Variants in PTCH1 observed in about 807,000 individuals in gnomAD.
PTCH1 encodes the protein patched 1, also known as protein patched homolog 1.
Under a neutral mutation model 144.6 loss-of-function variants are expected in PTCH1, and 14 were observed. That is an observed-to-expected ratio of 0.10 (90% confidence interval 0.06 to 0.15). PTCH1 has a LOEUF of 0.15. Ranked by LOEUF, PTCH1 falls within the 10% of genes least tolerant of loss-of-function variation. PTCH1 has a pLI of 1.00. For synonymous variants in PTCH1, 833 were observed against 793.6 expected, an observed-to-expected ratio of 1.05 and a Z score of -0.83; for missense variants, 1,623 against 1,948.3, an observed-to-expected ratio of 0.83 and a Z score of 3.14.
intron 12 of PTCH1, among the ~76,000 whole-genome samples, chr9:95,470,228 C>G (rs777473469): frequency 1.3e-5 from 2 of 152,164 alleles, no homozygotes; most frequent in African/African-American, 2.4e-5. Context: ...ACCAAATCCA[C>G]AAAGGCAGAA....
chr9:95,479,517 G>A (rs1053773763), intron 7 of PTCH1, among the ~76,000 whole-genome samples: 10 of 152,182 alleles, frequency 6.6e-5, no homozygotes, highest in Non-Finnish European at 1.5e-4. Context: ...TCCCAAGGGA[G>A]AAATCTTACA....
At chr9:95,453,904 C>T (rs919930931) in intron 19 of PTCH1, among the ~76,000 whole-genome samples, 13 of 152,126 alleles carry the variant, frequency 8.5e-5, no homozygotes, top group African/African-American at 3.1e-4. Flanking sequence ...TGATACTCAC[C>T]CCGAAGTTTC....
At chr9:95,516,416 C>T (rs1587710680) in intron 1 of PTCH1, 2 of 1,327,458 alleles carry the variant, frequency 1.5e-6, no homozygotes, top group South Asian at 2.1e-5. Flanking sequence ...GCCCGAGGAG[C>T]ACGGCGCGCG....
intron 2 of PTCH1, among the ~76,000 whole-genome samples, chr9:95,501,075 G>C (rs887665792): frequency 6.6e-6 from 1 of 152,202 alleles, no homozygotes; most frequent in African/African-American, 2.4e-5. Context: ...TTGCATCTCT[G>C]CAATGCATTG....
chr9:95,450,589 G>A (rs865780250), intron 20 of PTCH1: 1 of 154,422 alleles, frequency 6.5e-6, no homozygotes, highest in Admixed American at 6.4e-5. Context: ...TAGAACACAG[G>A]AACCAGCTTT....
chr9:95,456,158 C>T, intron 19 of PTCH1, 118 bp downstream of exon 19: 1 of 1,492,338 alleles, frequency 6.7e-7, no homozygotes, highest in South Asian at 1.2e-5. Context: ...CCCCTGTGCC[C>T]TGAGGCCTTT....
chr9:95,453,870 A>T (rs1452008474), intron 19 of PTCH1, among the ~76,000 whole-genome samples: 1 of 152,200 alleles, frequency 6.6e-6, no homozygotes, highest in Non-Finnish European at 1.5e-5. Flanking sequence ...ATAAAAATGG[A>T]CAGAAATGTC....
At chr9:95,452,389 C>CAA (rs1289832248) in intron 20 of PTCH1, 1 of 151,200 alleles carries the variant, frequency 6.6e-6, no homozygotes, top group South Asian at 2.1e-4. Flanking sequence ...CCAAACAAAC[C>CAA]AATCATTTCT....
chr9:95,511,979 CTA>C (rs1199402230), upstream of PTCH1, among the ~76,000 whole-genome samples: 5 of 152,192 alleles, frequency 3.3e-5, no homozygotes, highest in Admixed American at 3.3e-4. Context: ...TGGCCCAAAA[CTA>C]TTAGTGTTTC....
rs1064794260 is a variant in PTCH1, at chr9:95,459,654, G to T, written c.2833C>A (p.Arg945=). 1 of 1,614,170 alleles carries T rather than the reference G, an allele frequency of 6.2e-7. No homozygotes were observed. The highest frequency in any genetic ancestry group is 1.1e-5 in the South Asian group (1 of 91,074). The change falls in exon 17 of 24, where the codon CGA becomes AGA. Residue 945 remains arginine (R), a synonymous_variant. Coordinates refer to ENST00000331920, the MANE Select transcript of PTCH1 (RefSeq NM_000264.5). ...AASQANIRPH[R]PEWVHDKADY... ...GCTTTGTCGTGGACCCATTCTGGTC[G>T]GTGTGGCCGGATGTTGGCCTGGGAG...
At chr9:95,453,738 A>C in intron 19 of PTCH1, 118 bp from the exon 20 acceptor site, 23 of 1,391,518 alleles carry the variant, frequency 1.7e-5, no homozygotes, top group Non-Finnish European at 2.3e-5. Context: ...TTTAGTTGCT[A>C]GAATGTGTAA....
intron 14 of PTCH1, among the ~76,000 whole-genome samples, chr9:95,468,199 TG>T (rs1359115806): frequency 6.6e-6 from 1 of 152,200 alleles, no homozygotes; most frequent in Non-Finnish European, 1.5e-5. Flanking sequence ...CCTAAGCAGC[TG>T]GGACTATAGG....
At chr9:95,472,170 T>C (rs1840644357) in intron 12 of PTCH1, among the ~76,000 whole-genome samples, 1 of 152,168 alleles carries the variant, frequency 6.6e-6, no homozygotes, top group African/African-American at 2.4e-5. Context: ...AAATTCACTT[T>C]GGGGAAGAGA....
Position 95,480,420 on chromosome 9 carries a change from G to A in PTCH1, c.915C>T (p.Pro305=), listed in dbSNP as rs137944857. ...PCLNPADPDC[P]ATAPNKNSTK... is the part of the protein sequence containing the mutation. ...TTGAATTTTTGTTGGGGGCTGTGGC[G>A]GGGCAGTCTGGATCGGCCGGATTGA... The change falls in exon 6 of 24, where the codon CCC becomes CCT. Residue 305 remains proline, a synonymous_variant. Transcript: ENST00000331920. The A allele has an allele frequency of 1.7e-5, 27 of 1,610,882 alleles. No homozygotes were observed. Among genetic ancestry groups the A allele is most frequent in the Admixed American group, 3.4e-5 (2 of 59,456 alleles).
chr9:95,510,229 C>T (rs953577425), upstream of PTCH1, among the ~76,000 whole-genome samples: 3 of 152,160 alleles, frequency 2.0e-5, no homozygotes, highest in African/African-American at 7.2e-5. Flanking sequence ...TTGTACACCC[C>T]TTTTTATTAA....
chr9:95,459,853 C>T (rs1485973751), intron 16 of PTCH1, 70 bp from the exon 17 acceptor site: 1 of 1,529,236 alleles, frequency 6.5e-7, no homozygotes, highest in African/African-American at 1.4e-5. Flanking sequence ...GCCTTGAGAG[C>T]ACAGAAGCTG....
rs1841460679 is a variant in PTCH1, at chr9:95,480,605, G to C, written c.747-17C>G. ...GGTTTACCTCTGCAAAAGAAATTAGGAGACGAGACCATGAAAAGAGCCTTC... is the reference window on the plus strand; with the variant it reads ...GGTTTACCTCTGCAAAAGAAATTAGCAGACGAGACCATGAAAAGAGCCTTC... On this transcript the variant is annotated splice_polypyrimidine_tract_variant and intron_variant, in intron 5 of 23. Coordinates refer to ENST00000331920, the MANE Select transcript of PTCH1 (RefSeq NM_000264.5). 1 of 1,606,974 alleles carries C rather than the reference G, an allele frequency of 6.2e-7. No homozygotes were observed. The highest frequency in any genetic ancestry group is 8.5e-7 in the Non-Finnish European group (1 of 1,173,792).
In PTCH1 at chr9:95,502,190, CCT is replaced by C. The variant is rs1268166922; in HGVS notation, c.394+4215_394+4216del. 2.6e-5 allele frequency among the ~76,000 whole-genome samples: 4 copies of C among 152,228 alleles called. No individual in the cohort carries two copies. In the South Asian group the frequency reaches 6.2e-4, roughly 24 times the overall value. On this transcript the variant is annotated intron_variant, in intron 2 of 23. Transcript: ENST00000331920. ...GCCCCCTACCCTCTCCCCTCCAGCCCCTGTGCCTAGCTCAGGCCTCCACCCTT... is the reference window on the plus strand; with the variant it reads ...GCCCCCTACCCTCTCCCCTCCAGCCCGTGCCTAGCTCAGGCCTCCACCCTT...
chr9:95,462,559 A>T (rs1355025472), intron 15 of PTCH1, among the ~76,000 whole-genome samples: 1 of 152,216 alleles, frequency 6.6e-6, no homozygotes, highest in Non-Finnish European at 1.5e-5. Context: ...CAGGTTGTGT[A>T]AAGATCACAG....
Sources: gnomAD v4.1 joint callset for allele counts (sites outside exome capture counted in the v4.1 genomes callset) on GRCh38, gnomAD v4.1.1 for gene constraint, MANE v1.5 for transcripts, NCBI Gene and HGNC (gene_info 2026-07-23, HGNC 2026-07-21) for gene names.